The following GSE1 variants were observed in gnomAD, a reference collection of about 807,000 sequenced individuals.
GSE1 encodes genetic suppressor element 1.
A neutral mutation model predicts 112.6 loss-of-function variants in GSE1; 32 were observed. The ratio of observed to expected loss-of-function variants is 0.28; its 90% CI spans 0.21 to 0.38. GSE1 has a LOEUF of 0.38. Among genes scored for constraint, GSE1 ranks in the 10% least tolerant of loss-of-function variants. The pLI is 1.00. For missense variants in GSE1, 2,348 were observed against 1,699.2 expected, an observed-to-expected ratio of 1.38 and a Z score of -6.71; for synonymous variants, 1,115 against 735.6, an observed-to-expected ratio of 1.52 and a Z score of -8.35.
chr16:85,337,342 G>C (rs1266521705), intron 1 of GSE1, among the ~76,000 whole-genome samples: 6 of 88,034 alleles, frequency 6.8e-5, no homozygotes, highest in Admixed American at 1.3e-4. Flanking sequence ...GTCTCGCTCT[G>C]TCGCCCAGGC....
At chr16:85,203,578 G>A (rs1355473669) in intron 1 of GSE1, among the ~76,000 whole-genome samples, 1 of 152,112 alleles carries the variant, frequency 6.6e-6, no homozygotes, top group Non-Finnish European at 1.5e-5. Context: ...GTGGCAAGTG[G>A]GCCTAGAGTC....
chr16:85,240,215 C>T (rs1339075047), intron 1 of GSE1, among the ~76,000 whole-genome samples: 1 of 152,244 alleles, frequency 6.6e-6, no homozygotes, highest in Non-Finnish European at 1.5e-5. Flanking sequence ...GTTCTGATGA[C>T]ACGTGGGTGC....
chr16:85,368,042 C>T (rs541620496), intron 2 of GSE1, among the ~76,000 whole-genome samples: 68 of 151,968 alleles, frequency 4.5e-4, no homozygotes, highest in African/African-American at 1.5e-3. Context: ...TTAGTAGAGA[C>T]GGGGTTACTC....
chr16:85,431,484 G>T (rs1473509160), intron 2 of GSE1, among the ~76,000 whole-genome samples: 2 of 152,242 alleles, frequency 1.3e-5, no homozygotes, highest in African/African-American at 2.4e-5. Flanking sequence ...TACCGTGTTT[G>T]CAGGCCACAC....
At chr16:85,240,149 C>T (rs1003284434) in intron 1 of GSE1, among the ~76,000 whole-genome samples, 5 of 152,354 alleles carry the variant, frequency 3.3e-5, no homozygotes, top group African/African-American at 9.6e-5. Context: ...GTTCTCCAAG[C>T]GTTCTTGTGA....
At chr16:85,258,959 C>A (rs907846718) in intron 1 of GSE1, among the ~76,000 whole-genome samples, 4 of 152,224 alleles carry the variant, frequency 2.6e-5, no homozygotes, top group African/African-American at 9.6e-5. Flanking sequence ...GCTCCCCCTT[C>A]TTCTCTGGGG....
intron 1 of GSE1, among the ~76,000 whole-genome samples, chr16:85,201,851 A>G (rs2075034875): frequency 6.6e-6 from 1 of 152,192 alleles, no homozygotes; most frequent in African/African-American, 2.4e-5. Flanking sequence ...CCACAAACTT[A>G]GGAATTTTTG....
At chr16:85,554,935 C>T (rs1240521539), upstream of GSE1, 1 of 985,238 alleles carries the variant, frequency 1.0e-6, no homozygotes, top group African/African-American at 1.7e-5. Flanking sequence ...GGCAGCGGCA[C>T]CCTCCCCGGG....
Position 85,670,987 on chromosome 16 carries a change from C to G in GSE1, c.3416-8C>G. On this transcript the variant is annotated splice_region_variant and splice_polypyrimidine_tract_variant and intron_variant, in intron 14 of 15. Coordinates refer to ENST00000253458, the MANE Select transcript of GSE1 (RefSeq NM_014615.5). ...CGGAAAATACATCACCATCTCCTGT[C>G]TTTTCAGAGCAAAATCTGGAGCGGC... The G allele has an allele frequency of 6.3e-7, 1 of 1,577,618 alleles. No homozygotes were observed. Among genetic ancestry groups the G allele is most frequent in the Non-Finnish European group, 8.7e-7 (1 of 1,147,168 alleles).
intron 2 of GSE1, among the ~76,000 whole-genome samples, chr16:85,647,853 G>C (rs2051010681): frequency 6.6e-6 from 1 of 152,146 alleles, no homozygotes; most frequent in Non-Finnish European, 1.5e-5. Context: ...CCAAAGTGCT[G>C]GGATTACAGG....
chr16:85,246,508 C>CG (rs900797434), intron 1 of GSE1, among the ~76,000 whole-genome samples: 1 of 100,420 alleles, frequency 1.0e-5, no homozygotes, highest in African/African-American at 3.4e-5. Flanking sequence ...ACACCCCCCC[C>CG]CCCCCGACGC....
intron 2 of GSE1, among the ~76,000 whole-genome samples, chr16:85,404,151 G>C (rs1191838442): frequency 2.1e-5 from 2 of 94,134 alleles, no homozygotes; most frequent in Admixed American, 9.9e-5. Flanking sequence ...AATCCACACC[G>C]TTACACTCAG....
rs768387204 is a variant in GSE1 at position 85,311,454 on chromosome 16, G to T, written c.2284-46009G>T. Among the ~76,000 whole-genome samples, 73 of 143,920 alleles carry T rather than the reference G, an allele frequency of 5.1e-4. No individual in the cohort carries two copies. Among genetic ancestry groups the T allele is most frequent in the Admixed American group, 1.6e-3 (23 of 14,646 alleles). 94.4% of individuals were successfully genotyped at this position (143,920 alleles called of 152,430 possible). A position where few individuals can be genotyped will look rare whatever the true frequency, so the allele number is the denominator to read the frequency against. ...GTGGCACCACAAGAGAGCTGCTGGG[G>T]ACAGGACGTGGGCGGAGCCCTCGGC... is the stretch of plus-strand genomic sequence containing the variant. On this transcript the variant is annotated intron_variant, in intron 1 of 2. Transcript: ENST00000637419. This position sits in a 1 kb window ranked among gnomAD's most constrained non-coding sequence, Gnocchi z 4.2.
intron 1 of GSE1, among the ~76,000 whole-genome samples, chr16:85,632,025 C>G (rs59209124): frequency 3.3e-5 from 5 of 152,360 alleles, no homozygotes; most frequent in South Asian, 2.1e-4. Context: ...GACGGGCCCT[C>G]ATTGGCAGCC....
At chr16:85,553,269 C>CCGACCCCGCCGCCCCG (rs1321085183), upstream of GSE1, among the ~76,000 whole-genome samples, 3 of 149,562 alleles carry the variant, frequency 2.0e-5, no homozygotes, top group Non-Finnish European at 3.0e-5. Flanking sequence ...GTGCCGGACC[C>CCGACCCCGCCGCCCCG]CGACCCCGCC....
intron 2 of GSE1, among the ~76,000 whole-genome samples, chr16:85,400,793 G>A (rs924911306): frequency 8.3e-6 from 1 of 119,932 alleles, no homozygotes; most frequent in Non-Finnish European, 1.8e-5. Context: ...TGTGTGTGGT[G>A]TGTGTCTCTG....
chr16:85,170,343 G>T (rs1347001780), exon 1 of GSE1: 2 of 985,382 alleles, frequency 2.0e-6, no homozygotes, highest in African/African-American at 3.5e-5. Context: ...GCGTCCTGAG[G>T]AGCATTCAGG....
chr16:85,248,248 G>GCCTCCCTTTA (rs1906079686), intron 1 of GSE1, among the ~76,000 whole-genome samples: 1 of 152,080 alleles, frequency 6.6e-6, no homozygotes, highest in Non-Finnish European at 1.5e-5. Context: ...GCCTCCCTCT[G>GCCTCCCTTTA]CCTCCCTTTA....
chr16:85,410,347 A>G (rs1254307274), intron 2 of GSE1, among the ~76,000 whole-genome samples: 3 of 46,512 alleles, frequency 6.4e-5, no homozygotes, highest in African/African-American at 1.7e-4. Context: ...GATAATCCTC[A>G]CTGTTACACT....
Sources: allele counts gnomAD v4.1 joint callset (sites outside exome capture counted in the v4.1 genomes callset), GRCh38; gene constraint gnomAD v4.1.1; non-coding constraint Gnocchi (gnomAD v3.1); transcripts MANE v1.5; gene names NCBI Gene and HGNC (gene_info 2026-07-23, HGNC 2026-07-21).